MMS22L: variants seen among roughly 807,000 people sequenced by gnomAD.
MMS22L encodes the protein protein MMS22-like.
MMS22L carries 74 observed loss-of-function variants against 159.1 expected under a neutral mutation model. The ratio of observed to expected loss-of-function variants is 0.47; its 90% confidence interval spans 0.39 to 0.56. The LOEUF (loss-of-function observed/expected upper bound fraction) is 0.56, where lower values mean the gene tolerates loss of function less well. Ranked by LOEUF, MMS22L falls within the 20% of genes least tolerant of loss-of-function variation. MMS22L has a pLI of 0.00. For synonymous variants in MMS22L, 517 were observed against 506.9 expected, an observed-to-expected ratio of 1.02 and a Z score of -0.27; for missense variants, 1,351 against 1,422.1, an observed-to-expected ratio of 0.95 and a Z score of 0.80.
chr6:97,260,649 T>C (rs1814365130), intron 9 of MMS22L: 1 of 152,216 alleles, frequency 6.6e-6, no homozygotes, highest in African/African-American at 2.4e-5. Flanking sequence ...TTCTTCTGTT[T>C]TATGGTTGTT....
intron 14 of MMS22L, among the ~76,000 whole-genome samples, 160 bp downstream of exon 14, chr6:97,228,734 C>G (rs1562482131): frequency 6.6e-6 from 1 of 152,170 alleles, no homozygotes; most frequent in Admixed American, 6.5e-5. Flanking sequence ...TATATTCAAC[C>G]TGTACTGATT....
chr6:97,236,354 G>A (rs1160557298), intron 11 of MMS22L, among the ~76,000 whole-genome samples: 2 of 148,240 alleles, frequency 1.3e-5, no homozygotes, highest in East Asian at 2.0e-4. Flanking sequence ...GAGAAGTTCT[G>A]AAGTAAGTCA....
At chr6:97,213,197 G>A (rs1229770269) in intron 14 of MMS22L, among the ~76,000 whole-genome samples, 2 of 151,896 alleles carry the variant, frequency 1.3e-5, no homozygotes, top group East Asian at 1.9e-4. Context: ...ATCTGAGGTC[G>A]GGAGTTCAAG....
intron 6 of MMS22L, chr6:97,271,668 A>G (rs1161967764): frequency 6.6e-6 from 1 of 152,150 alleles, no homozygotes; most frequent in African/African-American, 2.4e-5. Context: ...GTAAACATTT[A>G]ATTCTACTTA....
chr6:97,216,967 C>T (rs1424559936), intron 14 of MMS22L, among the ~76,000 whole-genome samples: 2 of 152,150 alleles, frequency 1.3e-5, no homozygotes, highest in East Asian at 1.9e-4. Context: ...GCTTTCTTTA[C>T]AGAGTATATT....
intron 22 of MMS22L, among the ~76,000 whole-genome samples, chr6:97,156,858 G>T (rs1801904982): frequency 6.6e-6 from 1 of 152,144 alleles, no homozygotes; most frequent in Admixed American, 6.5e-5. Context: ...GTTCTGTGAA[G>T]AAAGTCAGTG....
chr6:97,176,697 C>T (rs1562420847), intron 18 of MMS22L, among the ~76,000 whole-genome samples: 1 of 152,140 alleles, frequency 6.6e-6, no homozygotes, highest in Non-Finnish European at 1.5e-5. Flanking sequence ...ACTTCCCTGG[C>T]AGGTAGTGTT....
chr6:97,186,837 GGTT>G, intron 14 of MMS22L, 147 bp from the exon 15 acceptor site: 2 of 513,654 alleles, frequency 3.9e-6, no homozygotes, highest in Non-Finnish European at 6.3e-6. Flanking sequence ...ATGCATTTCT[GGTT>G]GTTTGATGGA....
At chr6:97,248,175 T>C (rs1304473714) in intron 10 of MMS22L, among the ~76,000 whole-genome samples, 1 of 152,228 alleles carries the variant, frequency 6.6e-6, no homozygotes, top group Non-Finnish European at 1.5e-5. Context: ...ATCTGTTAAC[T>C]TGATCTGGAA....
intron 14 of MMS22L, among the ~76,000 whole-genome samples, chr6:97,191,704 A>T (rs1805881425): frequency 6.6e-6 from 1 of 152,208 alleles, no homozygotes; most frequent in South Asian, 2.1e-4. Flanking sequence ...GGGAATCAGG[A>T]CACTCTATAA....
At chr6:97,170,080 CT>C (rs1803370112) in intron 19 of MMS22L, among the ~76,000 whole-genome samples, 2 of 152,084 alleles carry the variant, frequency 1.3e-5, no homozygotes, top group Admixed American at 6.6e-5. Context: ...ATGTTAAACT[CT>C]TATGTGCCTT....
intron 14 of MMS22L, among the ~76,000 whole-genome samples, chr6:97,197,917 T>A (rs116890572): frequency 1.3e-5 from 2 of 152,192 alleles, no homozygotes; most frequent in African/African-American, 2.4e-5. Context: ...TCCCCCACCC[T>A]GCATCTCTAT....
At chr6:97,190,684 T>C (rs1805776276) in intron 14 of MMS22L, among the ~76,000 whole-genome samples, 2 of 152,172 alleles carry the variant, frequency 1.3e-5, no homozygotes, top group South Asian at 4.1e-4. Flanking sequence ...TCAAATCTTA[T>C]ATATGAGAAA....
intron 15 of MMS22L, among the ~76,000 whole-genome samples, chr6:97,185,108 A>G (rs531343943): frequency 6.6e-6 from 1 of 152,102 alleles, no homozygotes; most frequent in South Asian, 2.1e-4. Flanking sequence ...GGCCTTCCTG[A>G]CCACTCTATT....
At chr6:97,181,467 GTGAAAACTCATGATCTCA>G (rs1221863920) in intron 16 of MMS22L, among the ~76,000 whole-genome samples, 1 of 152,092 alleles carries the variant, frequency 6.6e-6, no homozygotes, top group Non-Finnish European at 1.5e-5. Flanking sequence ...TGAGTTAAGA[GTGAAAACTCATGATCTCA>G]TGAGTTAAGA....
At chr6:97,172,924 A>T in intron 19 of MMS22L, 139 bp downstream of exon 19, 1 of 729,358 alleles carries the variant, frequency 1.4e-6, no homozygotes, top group Non-Finnish European at 2.1e-6. Flanking sequence ...GAATTATTTT[A>T]AGCTAAATCA....
intron 14 of MMS22L, among the ~76,000 whole-genome samples, chr6:97,226,870 G>C (rs1810319599): frequency 1.3e-5 from 2 of 152,014 alleles, no homozygotes; most frequent in Non-Finnish European, 2.9e-5. Context: ...AGAGTGTTTA[G>C]CAGCATTTCT....
chr6:97,240,802 T>A (rs1811974145), intron 11 of MMS22L, among the ~76,000 whole-genome samples: 1 of 151,902 alleles, frequency 6.6e-6, no homozygotes, highest in African/African-American at 2.4e-5. Flanking sequence ...AACTTTTGTA[T>A]TTTTAGTAGA....
At chr6:97,250,433 T>C (rs764110285) in intron 10 of MMS22L, among the ~76,000 whole-genome samples, 1 of 152,212 alleles carries the variant, frequency 6.6e-6, no homozygotes, top group Non-Finnish European at 1.5e-5. Flanking sequence ...AATTGCATTA[T>C]GTTCTGGGTA....
Sources: allele counts gnomAD v4.1 joint callset (sites outside exome capture counted in the v4.1 genomes callset), GRCh38; gene constraint gnomAD v4.1.1; transcripts MANE v1.5; gene names NCBI Gene and HGNC (gene_info 2026-07-23, HGNC 2026-07-21).